ROBO2: variants seen among roughly 807,000 people sequenced by gnomAD.
ROBO2 encodes roundabout guidance receptor 2.
A neutral mutation model predicts 160.8 loss-of-function variants in ROBO2; 53 were observed. That is an observed-to-expected ratio of 0.33 (90% CI 0.26 to 0.41). The LOEUF (loss-of-function observed/expected upper bound fraction) is 0.41, where lower values mean the gene tolerates loss of function less well. Ranked by LOEUF, ROBO2 falls within the 10% of genes least tolerant of loss-of-function variation. ROBO2 has a pLI of 1.00. For missense variants in ROBO2, 1,577 were observed against 1,722.4 expected, an observed-to-expected ratio of 0.92 and a Z score of 1.49; for synonymous variants, 664 against 611.7, an observed-to-expected ratio of 1.09 and a Z score of -1.26.
chr3:77,479,212 AG>A (rs539116924), intron 3 of ROBO2, among the ~76,000 whole-genome samples: 24 of 152,298 alleles, frequency 1.6e-4, no homozygotes, highest in African/African-American at 5.3e-4. Context: ...CTGCAAGCAA[AG>A]GTTGTCTTAT....
intron 2 of ROBO2, among the ~76,000 whole-genome samples, chr3:76,805,533 ATATATATTTCAACAAATG>A (rs1431894687): frequency 6.6e-6 from 1 of 151,964 alleles, no homozygotes; most frequent in Non-Finnish European, 1.5e-5. Flanking sequence ...ATGTAGAAAT[ATATATATTTCAACAAATG>A]TATATATTTC....
rs373868115 is a variant in ROBO2, at chr3:76,497,415, C to T, written c.109+559813C>T. On this transcript the variant is annotated intron_variant, in intron 2 of 26. Transcript: ENST00000487694. ...CTCACTGTGTTGCCCAGGCTGGTCT[C>T]AAGCTCCTAGGCTCAAGCCTTCTTC... 1.0e-3 allele frequency among the ~76,000 whole-genome samples: 152 copies of T among 152,250 alleles called. 1 individual carries two copies. In the South Asian group the frequency reaches 0.026, roughly 26 times the overall value.
At chr3:76,784,672 C>A (rs1015776430) in intron 2 of ROBO2, among the ~76,000 whole-genome samples, 1 of 151,112 alleles carries the variant, frequency 6.6e-6, no homozygotes, top group Admixed American at 6.6e-5. Context: ...GGGAGGTACA[C>A]AAAAGAGTCA....
exon 15 of ROBO2, chr3:77,577,512 T>G (rs2093800056): frequency 1.2e-6 from 2 of 1,613,348 alleles, no homozygotes; most frequent in South Asian, 2.2e-5. Context: ...CACCACAGTC[T>G]GTCACTGTAC....
intron 2 of ROBO2, among the ~76,000 whole-genome samples, chr3:77,224,281 G>A (rs978871754): frequency 6.6e-5 from 10 of 151,912 alleles, no homozygotes; most frequent in African/African-American, 2.4e-4. Flanking sequence ...CAATCGAAAG[G>A]CATTGAACAT....
At chr3:77,477,973 T>C (rs918390219) in intron 3 of ROBO2, among the ~76,000 whole-genome samples, 2 of 151,800 alleles carry the variant, frequency 1.3e-5, no homozygotes, top group East Asian at 3.9e-4. Context: ...ACTACAGGTG[T>C]GCGCCACCAC....
At chr3:76,989,773 G>A (rs1002574487) in intron 2 of ROBO2, among the ~76,000 whole-genome samples, 1 of 151,980 alleles carries the variant, frequency 6.6e-6, no homozygotes, top group Non-Finnish European at 1.5e-5. Flanking sequence ...AGGATATTTG[G>A]GACAAAGCAG....
chr3:77,103,160 T>C (rs1438519168), intron 2 of ROBO2, among the ~76,000 whole-genome samples: 1 of 152,154 alleles, frequency 6.6e-6, no homozygotes, highest in Non-Finnish European at 1.5e-5. Context: ...AGTGGCAGCC[T>C]CTAGAGATGG....
At chr3:76,940,346 C>T (rs966375574) in intron 2 of ROBO2, among the ~76,000 whole-genome samples, 6 of 152,160 alleles carry the variant, frequency 3.9e-5, no homozygotes, top group African/African-American at 1.4e-4. Flanking sequence ...TGTGATTTAG[C>T]ACAATGTAGG....
chr3:76,662,883 C>T (rs114254669), intron 2 of ROBO2, among the ~76,000 whole-genome samples: 1 of 152,062 alleles, frequency 6.6e-6, no homozygotes, highest in Non-Finnish European at 1.5e-5. Flanking sequence ...ATGGAGTGTC[C>T]TTCACCAGAT....
rs1036979637 is a variant in ROBO2, at chr3:77,144,701, T to C, written c.388+46361T>C. Reference sequence around the variant, plus strand: ...CAAATATATGGCACTGGGGTTTTAATGTAAAGTTAGTCACTAATTTTTAGA... The same window carrying C: ...CAAATATATGGCACTGGGGTTTTAACGTAAAGTTAGTCACTAATTTTTAGA... On this transcript the variant is annotated intron_variant, in intron 2 of 25. Transcript: ENST00000461745. Among the ~76,000 whole-genome samples, 3 of 152,326 alleles carry C rather than the reference T, an allele frequency of 2.0e-5. No individual in the cohort carries two copies. In the East Asian group the frequency reaches 5.8e-4, roughly 29 times the overall value.
intron 2 of ROBO2, among the ~76,000 whole-genome samples, chr3:76,823,911 AG>A (rs1275412858): frequency 1.3e-5 from 2 of 152,320 alleles, no homozygotes; most frequent in African/African-American, 4.8e-5. Flanking sequence ...GGTAAAACTG[AG>A]CTGTTATAAT....
chr3:75,921,645 A>G (rs555133469), intron 1 of ROBO2, among the ~76,000 whole-genome samples: 3 of 152,130 alleles, frequency 2.0e-5, no homozygotes, highest in Non-Finnish European at 2.9e-5. Flanking sequence ...GTGTGTTTCT[A>G]TGCAGATGTG....
Position 76,727,566 on chromosome 3 carries a change from T to C in ROBO2, c.110-370448T>C, listed in dbSNP as rs267117. Among the ~76,000 whole-genome samples the C allele has an allele frequency of 3.6e-4, 54 of 152,056 alleles. 1 individual carries two copies. Among genetic ancestry groups the C allele is most frequent in the African/African-American group, 1.2e-3 (50 of 41,484 alleles). ...CATACAACGGAATAGTCTTCAACCA[T>C]AAAAAAGAATGAAATTCTGGTATTT... On this transcript the variant is annotated intron_variant, in intron 2 of 26. Transcript: ENST00000487694.
chr3:77,288,682 C>T (rs903327260), intron 2 of ROBO2, among the ~76,000 whole-genome samples: 5 of 152,080 alleles, frequency 3.3e-5, no homozygotes, highest in Non-Finnish European at 7.4e-5. Context: ...TCACACTTTT[C>T]CTGAACAACT....
At chr3:77,285,261 T>A (rs947245694) in intron 2 of ROBO2, among the ~76,000 whole-genome samples, 3 of 152,170 alleles carry the variant, frequency 2.0e-5, no homozygotes, top group Non-Finnish European at 2.9e-5. Context: ...AGAACACTTA[T>A]GATTTGTACA....
At chr3:77,241,360 A>G (rs2089009187) in intron 2 of ROBO2, among the ~76,000 whole-genome samples, 1 of 152,252 alleles carries the variant, frequency 6.6e-6, no homozygotes, top group Non-Finnish European at 1.5e-5. Flanking sequence ...TTGAATGTTC[A>G]CAAATAATCT....
At chr3:75,922,724 A>G (rs1479687211) in intron 1 of ROBO2, among the ~76,000 whole-genome samples, 2 of 152,160 alleles carry the variant, frequency 1.3e-5, no homozygotes, top group East Asian at 3.8e-4. Context: ...AAGTAAATAT[A>G]TACATCCAAA....
chr3:77,390,541 C>T (rs6781392), intron 2 of ROBO2, among the ~76,000 whole-genome samples: 2 of 151,824 alleles, frequency 1.3e-5, no homozygotes, highest in East Asian at 3.9e-4. Flanking sequence ...TATAAGGTAT[C>T]CCTTGCTCTT....
Sources: gnomAD v4.1 joint callset for allele counts (sites outside exome capture counted in the v4.1 genomes callset) on GRCh38, gnomAD v4.1.1 for gene constraint, MANE v1.5 for transcripts, NCBI Gene and HGNC (gene_info 2026-07-23, HGNC 2026-07-21) for gene names.